CCDC57: variants seen among roughly 807,000 people sequenced by gnomAD.
CCDC57 encodes the protein coiled-coil domain-containing protein 57.
In CCDC57, 118 loss-of-function variants were observed where a neutral mutation model predicts 118.9. That is an observed-to-expected ratio of 0.99 (90% confidence interval 0.86 to 1.16). The LOEUF is 1.16. Among genes scored for constraint, CCDC57 ranks in the 50% most tolerant of loss-of-function variants. CCDC57 has a pLI of 0.00. For missense variants in CCDC57, 1,300 were observed against 1,320.7 expected (o/e 0.98, Z 0.24); for synonymous variants, 527 against 532.9 (o/e 0.99, Z 0.15).
intron 19 of CCDC57, among the ~76,000 whole-genome samples, chr17:82,115,900 C>T (rs576617369): frequency 2.8e-5 from 4 of 144,462 alleles, no homozygotes; most frequent in East Asian, 2.1e-4. Flanking sequence ...CGAGTTCAAG[C>T]GATTCTCCTG....
At chr17:82,193,664 C>G in intron 7 of CCDC57, 92 bp downstream of exon 6, 1 of 1,160,802 alleles carries the variant, frequency 8.6e-7, no homozygotes, top group Non-Finnish European at 1.3e-6. Flanking sequence ...GTGGGACCCT[C>G]TGCTCCCTGG....
intron 19 of CCDC57, among the ~76,000 whole-genome samples, chr17:82,110,948 C>G (rs963923591): frequency 6.6e-6 from 1 of 150,718 alleles, no homozygotes; most frequent in Non-Finnish European, 1.5e-5. Context: ...TCGCTTGAAC[C>G]CTGGAGGTGG....
chr17:82,140,382 G>A (rs1227676397), intron 16 of CCDC57, among the ~76,000 whole-genome samples: 2 of 152,022 alleles, frequency 1.3e-5, no homozygotes, highest in Non-Finnish European at 2.9e-5. Context: ...CACCACGCCT[G>A]ACCAATTTTT....
At chr17:82,155,978 A>G (rs1045092353) in intron 15 of CCDC57, 1 of 152,070 alleles carries the variant, frequency 6.6e-6, no homozygotes, top group Admixed American at 6.5e-5. Flanking sequence ...TCATCTCTCA[A>G]TTTAAAATTC....
chr17:82,136,699 G>C (rs2039236666), intron 16 of CCDC57, among the ~76,000 whole-genome samples: 2 of 151,750 alleles, frequency 1.3e-5, no homozygotes, highest in South Asian at 4.2e-4. Flanking sequence ...CTGGGCTCAA[G>C]CGATCCTCCC....
chr17:82,194,300 A>G, intron 5 of CCDC57, 161 bp from the exon 5 acceptor site: 2 of 670,392 alleles, frequency 3.0e-6, no homozygotes, highest in Admixed American at 3.4e-5. Flanking sequence ...CTCAAACGAG[A>G]CTCAATGACT....
Position 82,201,459 on chromosome 17 carries a change from G to A in CCDC57, c.407+79C>T, listed in dbSNP as rs1016661129. The A allele has an allele frequency of 4.4e-5, 63 of 1,433,434 alleles. No individual in the cohort carries two copies. The Admixed American group carries it at 4.7e-4, about 11-fold the overall frequency. 88.8% of individuals were successfully genotyped at this position (1,433,434 alleles called of 1,614,324 possible). The stretch of plus-strand genomic sequence containing the variant: ...GGGGCAGTGAGAGTGGGCAGTGCTC[G>A]GGCAGCACAGCGGAGCAGGAGGCAT... On this transcript the variant is annotated intron_variant, in intron 3 of 19. Transcript: ENST00000665763.
intron 16 of CCDC57, among the ~76,000 whole-genome samples, chr17:82,143,490 ACACACACCCCACACGTG>A (rs1047261982): frequency 4.5e-5 from 6 of 133,254 alleles, no homozygotes; most frequent in East Asian, 5.4e-4. Flanking sequence ...ACAGGCACAC[ACACACACCCCACACGTG>A]CACACACCCC....
chr17:82,194,733 T>C (rs918469579), intron 5 of CCDC57, among the ~76,000 whole-genome samples: 14 of 152,332 alleles, frequency 9.2e-5, no homozygotes, highest in African/African-American at 3.4e-4. Context: ...AATTTGAAAG[T>C]TATTTAAATA....
At chr17:82,151,751 A>G (rs1424495341) in exon 16 of CCDC57, 1 of 1,550,206 alleles carries the variant, frequency 6.5e-7, no homozygotes, top group East Asian at 2.4e-5. Context: ...CTCGGCCTCC[A>G]TAGGCCCTCT....
rs189371217 is a variant in CCDC57, at chr17:82,178,616, C to T, written c.1375-11G>A. On this transcript the variant is annotated splice_polypyrimidine_tract_variant and intron_variant, in intron 10 of 19. Transcript: ENST00000665763. ...CAGCTTGGCAGCAACCTGGGAAAAA[C>T]GCTGGGACTCAGTCCCTGTGTGGAT... is the stretch of plus-strand genomic sequence containing the variant. 14 of 1,610,020 alleles carry T rather than the reference C, an allele frequency of 8.7e-6. No individual in the cohort carries two copies. Among genetic ancestry groups the T allele is most frequent in the East Asian group, 4.5e-5 (2 of 44,872 alleles).
chr17:82,184,029 G>GCGCGCA (rs2046592964), intron 8 of CCDC57, 97 bp from the exon 8 acceptor site: 11 of 238,906 alleles, frequency 4.6e-5, no homozygotes, highest in African/African-American at 3.3e-4. Flanking sequence ...GCGCGCGCGC[G>GCGCGCA]CGCACACACA....
intron 4 of CCDC57, among the ~76,000 whole-genome samples, chr17:82,196,809 G>A (rs4337343): frequency 0.47 from 70,106 of 148,042 alleles, 17,385 homozygotes; most frequent in East Asian, 0.88. Context: ...CTGCAGAGAC[G>A]CAGCCCCTCA....
chr17:82,144,624 G>A (rs1183356038), intron 16 of CCDC57, among the ~76,000 whole-genome samples: 1 of 152,168 alleles, frequency 6.6e-6, no homozygotes, highest in Non-Finnish European at 1.5e-5. Context: ...CCTGGGAAGA[G>A]CTTCAATCAA....
exon 5 of CCDC57, chr17:82,195,308 C>T (rs2048166285): frequency 6.2e-7 from 1 of 1,602,872 alleles, no homozygotes; most frequent in South Asian, 1.1e-5. Flanking sequence ...TGTCAGCCTG[C>T]AGACGGAATT....
In CCDC57 at chr17:82,179,200, G is replaced by C; in HGVS notation, c.1212-11C>G. 1 of 1,610,570 alleles carries C rather than the reference G, an allele frequency of 6.2e-7. No homozygotes were observed. The highest frequency in any genetic ancestry group is 8.5e-7 in the Non-Finnish European group (1 of 1,178,366). The stretch of plus-strand genomic sequence containing the variant: ...AGCTGTTGCTTGTACCTAAGGACAC[G>C]TCCAACCGCTCAGCATTAATGCTTC... On this transcript the variant is annotated splice_polypyrimidine_tract_variant and intron_variant, in intron 9 of 19. Coordinates refer to ENST00000665763, the Ensembl canonical transcript of CCDC57.
At chr17:82,207,664 T>C (rs2147004069) in intron 2 of CCDC57, 1 of 152,338 alleles carries the variant, frequency 6.6e-6, no homozygotes, top group East Asian at 1.9e-4. Context: ...CCCCGAATGC[T>C]TGGGGAGACT....
chr17:82,174,530 C>T (rs1251747219), intron 11 of CCDC57, among the ~76,000 whole-genome samples: 2 of 152,214 alleles, frequency 1.3e-5, no homozygotes, highest in Admixed American at 6.5e-5. Context: ...TACCCAACCC[C>T]CTTCCGCAAG....
At chr17:82,177,081 AC>A (rs2045614923) in intron 11 of CCDC57, among the ~76,000 whole-genome samples, 1 of 152,062 alleles carries the variant, frequency 6.6e-6, no homozygotes, top group African/African-American at 2.4e-5. Flanking sequence ...CCCCATCTCT[AC>A]TAAAAATACA....
Sources: allele counts gnomAD v4.1 joint callset (sites outside exome capture counted in the v4.1 genomes callset), GRCh38; gene constraint gnomAD v4.1.1; transcripts MANE v1.5; gene names NCBI Gene and HGNC (gene_info 2026-07-23, HGNC 2026-07-21).